Variants in PNKD observed in about 807,000 individuals in gnomAD.
PNKD encodes the protein PNKD metallo-beta-lactamase domain containing.
PNKD carries 36 observed loss-of-function variants against 45.3 expected under a neutral mutation model. The observed-to-expected ratio is 0.80, with a 90% confidence interval of 0.61 to 1.05. The LOEUF is 1.05. Among genes scored for constraint, PNKD ranks in the 50% least tolerant of loss-of-function variants. PNKD has a pLI of 0.00. For synonymous variants in PNKD, 197 were observed against 210.1 expected, an observed-to-expected ratio of 0.94 and a Z score of 0.54; for missense variants, 511 against 506.6, an observed-to-expected ratio of 1.01 and a Z score of -0.08.
chr2:218,324,757 A>C (rs1018271556), intron 2 of PNKD, among the ~76,000 whole-genome samples: 2 of 151,978 alleles, frequency 1.3e-5, no homozygotes, highest in African/African-American at 4.8e-5. Flanking sequence ...CAACATGGTG[A>C]AACGCCATCT....
intron 2 of PNKD, chr2:218,275,230 C>T (rs1486213603): frequency 1.2e-5 from 5 of 400,746 alleles, no homozygotes; most frequent in Admixed American, 4.4e-5. Flanking sequence ...GGGGAGAAGA[C>T]ACATCTTCAG....
chr2:218,313,903 CTTTT>C (rs10550174), intron 2 of PNKD, among the ~76,000 whole-genome samples: 97 of 77,720 alleles, frequency 1.2e-3, no homozygotes, highest in African/African-American at 3.6e-3. Flanking sequence ...TTCTTTATTT[CTTTT>C]TTTTTTTTTT....
chr2:218,296,765 G>T (rs1268870823), intron 2 of PNKD, among the ~76,000 whole-genome samples: 1 of 151,896 alleles, frequency 6.6e-6, no homozygotes, highest in Non-Finnish European at 1.5e-5. Context: ...TGCAACCTCC[G>T]CCTCCTGGGT....
intron 2 of PNKD, among the ~76,000 whole-genome samples, chr2:218,319,371 C>CTTTTTTTTTTT (rs35553031): frequency 1.9e-4 from 15 of 80,204 alleles, no homozygotes; most frequent in East Asian, 4.0e-4. Context: ...TCTTGTTTGT[C>CTTTTTTTTTTT]TTTTTTTTTT....
At chr2:218,297,577 C>T (rs1160485844) in intron 2 of PNKD, among the ~76,000 whole-genome samples, 1 of 151,268 alleles carries the variant, frequency 6.6e-6, no homozygotes, top group East Asian at 1.9e-4. Context: ...CCCAGCTACA[C>T]CGGAGGCTGA....
intron 2 of PNKD, among the ~76,000 whole-genome samples, chr2:218,299,444 T>G (rs1469958753): frequency 6.6e-6 from 1 of 150,966 alleles, no homozygotes; most frequent in African/African-American, 2.4e-5. Context: ...ACCCGACCTA[T>G]TTGTTTATTC....
chr2:218,344,496 G>A lies in PNKD; in HGVS notation c.910G>A (p.Val304Met). Residue 304 changes from valine to methionine, a missense_variant, in exon 9 of 10, where the codon GTG (valine) becomes ATG (methionine). Physicochemically the swap from Val to Met is conservative, Grantham distance 21. Transcript: ENST00000273077. Reference protein sequence around the residue: ...AEENLGFAGVVEPENLARERK... With the variant: ...AEENLGFAGVMEPENLARERK... ...GGAGAACCTGGGCTTTGCAGGTGTG[G>A]TGGAGCCCGAGAACCTGGCCCGGGA... is the stretch of plus-strand genomic sequence containing the variant. 2 of 1,590,744 alleles carry A rather than the reference G, an allele frequency of 1.3e-6. No individual in the cohort carries two copies. The highest frequency in any genetic ancestry group is 1.7e-6 in the Non-Finnish European group (2 of 1,168,380).
At chr2:218,324,173 C>A (rs1413731051) in intron 2 of PNKD, among the ~76,000 whole-genome samples, 1 of 151,840 alleles carries the variant, frequency 6.6e-6, no homozygotes, top group East Asian at 1.9e-4. Flanking sequence ...AAGCACTGTT[C>A]AGCCCCAGGG....
chr2:218,329,340 G>A (rs752123011), intron 2 of PNKD, among the ~76,000 whole-genome samples: 12 of 152,242 alleles, frequency 7.9e-5, no homozygotes, highest in Non-Finnish European at 1.3e-4. Flanking sequence ...GAAGGCCTGG[G>A]ATTGCGATGA....
intron 2 of PNKD, among the ~76,000 whole-genome samples, chr2:218,338,054 G>A (rs1694551959): frequency 6.6e-6 from 1 of 152,246 alleles, no homozygotes; most frequent in East Asian, 1.9e-4. Context: ...GGCTGAGGCA[G>A]GAGAATCGCC....
chr2:218,339,692 G>T, intron 2 of PNKD, 91 bp from the exon 3 acceptor site: 1 of 778,112 alleles, frequency 1.3e-6, no homozygotes, highest in South Asian at 1.4e-5. Context: ...GTCACCAAAG[G>T]AATGGAGATG....
At position 218,272,803 on chromosome 2, in the gene PNKD, T is replaced by G. The variant is rs1227043483; in HGVS notation, c.236+1254T>G. The G allele has an allele frequency of 6.8e-6, 11 of 1,613,462 alleles. No individual in the cohort carries two copies. In the Admixed American group the frequency reaches 1.8e-4, roughly 27 times the overall value. ...TCCTAGGCTATTGACTGTTAAGTCCTCAGGTTTGGCCCAGATTCCAGTTCG... is the reference window on the plus strand; with the variant it reads ...TCCTAGGCTATTGACTGTTAAGTCCGCAGGTTTGGCCCAGATTCCAGTTCG... On this transcript the variant is annotated intron_variant, in intron 2 of 9. Coordinates refer to ENST00000273077, the MANE Select transcript of PNKD (RefSeq NM_015488.5).
intron 2 of PNKD, chr2:218,272,974 G>C: frequency 1.4e-6 from 2 of 1,400,466 alleles, no homozygotes; most frequent in Non-Finnish European, 1.9e-6. Flanking sequence ...GAGTCCCTTG[G>C]GATGGGAGGG....
At chr2:218,275,657 G>A (rs1559499319) in intron 2 of PNKD, 28 of 1,595,890 alleles carry the variant, frequency 1.8e-5, no homozygotes, top group Non-Finnish European at 2.2e-5. Context: ...GAGAACTCAG[G>A]CATCAGTGTC....
chr2:218,325,105 T>C (rs1184212903), intron 2 of PNKD, among the ~76,000 whole-genome samples: 1 of 144,804 alleles, frequency 6.9e-6, no homozygotes, highest in Non-Finnish European at 1.5e-5. Context: ...TTCACCGTGT[T>C]GGTCAGGCTG....
chr2:218,281,975 G>A, intron 2 of PNKD: 1 of 1,605,282 alleles, frequency 6.2e-7, no homozygotes, highest in South Asian at 1.1e-5. Flanking sequence ...GGGGGGCATG[G>A]GCTGTGGGTA....
chr2:218,311,592 C>A (rs1693617163), intron 2 of PNKD, among the ~76,000 whole-genome samples: 1 of 152,200 alleles, frequency 6.6e-6, no homozygotes, highest in Non-Finnish European at 1.5e-5. Context: ...CCAAACATCT[C>A]AGTGTAGCAA....
At position 218,284,859 on chromosome 2, in the gene PNKD, G is replaced by C. The variant is rs183551026; in HGVS notation, c.236+13310G>C. Among the ~76,000 whole-genome samples the C allele has an allele frequency of 1.6e-3, 248 of 152,346 alleles. 1 individual carries two copies. The highest frequency in any genetic ancestry group is 3.0e-3 in the Non-Finnish European group (205 of 68,040). The stretch of plus-strand genomic sequence containing the variant: ...TAATCTCAACACTTTGAGAGGCCGA[G>C]GCAGGTGGATCACCTGAGATCAGGA... On this transcript the variant is annotated intron_variant, in intron 2 of 9. Coordinates refer to ENST00000273077, the MANE Select transcript of PNKD (RefSeq NM_015488.5).
intron 2 of PNKD, chr2:218,281,970 G>A (rs778650493): frequency 2.5e-6 from 4 of 1,603,248 alleles, no homozygotes; most frequent in African/African-American, 2.7e-5. Flanking sequence ...TGGGTGGGGG[G>A]CATGGGCTGT....
Sources: gnomAD v4.1 joint callset for allele counts (sites outside exome capture counted in the v4.1 genomes callset) on GRCh38, gnomAD v4.1.1 for gene constraint, MANE v1.5 for transcripts, NCBI Gene and HGNC (gene_info 2026-07-23, HGNC 2026-07-21) for gene names.